CSN1S1: variants seen among roughly 807,000 people sequenced by gnomAD.
The protein encoded by CSN1S1 is casein alpha s1.
In CSN1S1, 63 loss-of-function variants were observed where a neutral mutation model predicts 49.1. The observed-to-expected ratio is 1.28, with a 90% CI of 1.05 to 1.58. CSN1S1 has a LOEUF of 1.58. Among genes scored for constraint, CSN1S1 ranks in the 40% most tolerant of loss-of-function variants. CSN1S1 has a pLI of 0.00. For synonymous variants in CSN1S1, 78 were observed against 67.1 expected, an observed-to-expected ratio of 1.16 and a Z score of -0.79; for missense variants, 260 against 224.7, an observed-to-expected ratio of 1.16 and a Z score of -1.01.
chr4:69,940,003 G>T lies in CSN1S1; in HGVS notation c.277-18G>T, dbSNP rs770832451. ...ATGTCGTGAAATTAAAACTATGCAT[G>T]TTTTAATTTTTTTAAAGGAAATGTC... is the stretch of plus-strand genomic sequence containing the variant. On this transcript the variant is annotated intron_variant, in intron 10 of 15. Coordinates refer to ENST00000246891, the MANE Select transcript of CSN1S1 (RefSeq NM_001890.2). The T allele has an allele frequency of 8.1e-6, 11 of 1,364,916 alleles. No homozygotes were observed. The Admixed American group carries it at 2.5e-4, about 31-fold the overall frequency. 84.6% of individuals were successfully genotyped at this position (1,364,916 alleles called of 1,614,324 possible). A position where few individuals can be genotyped will look rare whatever the true frequency, so the allele number is the denominator to read the frequency against.
chr4:69,937,965 A>G (rs1722845870), intron 9 of CSN1S1, 142 bp downstream of exon 9: 1 of 494,560 alleles, frequency 2.0e-6, no homozygotes, highest in Non-Finnish European at 3.4e-6. Context: ...TTAATTTTAA[A>G]TTAATCCTAT....
At chr4:69,933,434 C>T (rs1722671767) in intron 2 of CSN1S1, among the ~76,000 whole-genome samples, 1 of 152,072 alleles carries the variant, frequency 6.6e-6, no homozygotes. Flanking sequence ...GACTTGTTCT[C>T]TAAATTCTCC....
chr4:69,932,422 G>T, intron 1 of CSN1S1, 122 bp from the exon 2 acceptor site: 1 of 709,810 alleles, frequency 1.4e-6, no homozygotes, highest in Non-Finnish European at 2.4e-6. Context: ...TCACATTACA[G>T]CTCCTCAAAT....
rs1722696259 is a variant in CSN1S1 at position 69,934,202 on chromosome 4, T to C, written c.52-10T>C. 1 of 1,607,108 alleles carries C rather than the reference T, an allele frequency of 6.2e-7. No homozygotes were observed. Among genetic ancestry groups the C allele is most frequent in the African/African-American group, 1.3e-5 (1 of 74,676 alleles). The stretch of plus-strand genomic sequence containing the variant: ...TTTTTGTTTTACAATTCTTGCATTG[T>C]TTTTCACAGAAACTTCCTCTTAGAT... On this transcript the variant is annotated splice_polypyrimidine_tract_variant and intron_variant, in intron 2 of 15. Coordinates refer to ENST00000246891, the MANE Select transcript of CSN1S1 (RefSeq NM_001890.2).
intron 2 of CSN1S1, among the ~76,000 whole-genome samples, chr4:69,933,757 A>C (rs886315945): frequency 1.3e-5 from 2 of 152,014 alleles, no homozygotes; most frequent in Non-Finnish European, 2.9e-5. Flanking sequence ...TTTTCGTATA[A>C]TTTAAGTGAT....
chr4:69,945,133 T>C (rs912999332), intron 15 of CSN1S1, 129 bp downstream of exon 15: 2 of 950,670 alleles, frequency 2.1e-6, no homozygotes, highest in South Asian at 1.7e-5. Context: ...AAAGGACTAA[T>C]ATGTTCTGAA....
intron 14 of CSN1S1, 29 bp downstream of exon 14, chr4:69,942,606 C>A (rs377669475): frequency 1.3e-6 from 2 of 1,530,130 alleles, no homozygotes; most frequent in African/African-American, 1.4e-5. Context: ...TATTACAAAA[C>A]GATAATATTT....
Position 69,941,040 on chromosome 4 carries a change from G to A in CSN1S1, c.322G>A (p.Glu108Lys), listed in dbSNP as rs745825987. The change falls in exon 12 of 16, where the codon GAA (glutamate) becomes AAA (lysine). Residue 108 changes from glutamate to lysine, a missense_variant. Glu to Lys is a moderately conservative substitution (Grantham distance 56). Coordinates refer to ENST00000246891, the MANE Select transcript of CSN1S1 (RefSeq NM_001890.2). ...ATAGGAACAGTTTTGTAGACTGAAC[G>A]AATACAACCAACTTCAGCTGGTAAT... is the stretch of plus-strand genomic sequence containing the variant. ...KCAEQFCRLN[E>K]YNQLQLQAAH... 1.5e-5 allele frequency: 23 copies of A among 1,514,628 alleles called. No individual in the cohort carries two copies. Among genetic ancestry groups the A allele is most frequent in the South Asian group, 3.6e-5 (3 of 82,278 alleles). 93.8% of individuals were successfully genotyped at this position (1,514,628 alleles called of 1,614,324 possible).
At chr4:69,936,105 T>C (rs1722771412) in intron 5 of CSN1S1, among the ~76,000 whole-genome samples, 156 bp downstream of exon 5, 3 of 151,992 alleles carry the variant, frequency 2.0e-5, no homozygotes, top group African/African-American at 7.2e-5. Context: ...CACATTTACA[T>C]ACTAGCCTTA....
At chr4:69,941,155 A>C (rs1722959248) in intron 12 of CSN1S1, 95 bp downstream of exon 12, 1 of 581,530 alleles carries the variant, frequency 1.7e-6, no homozygotes, top group East Asian at 3.5e-5. Context: ...ATATATTTTT[A>C]TTTTTCTTAA....
intron 8 of CSN1S1, 141 bp from the exon 9 acceptor site, chr4:69,937,659 C>T (rs758259463): frequency 1.5e-5 from 9 of 605,648 alleles, no homozygotes; most frequent in Non-Finnish European, 2.5e-5. Context: ...ATAAAGTAGG[C>T]AGTTTTTTTA....
intron 11 of CSN1S1, among the ~76,000 whole-genome samples, chr4:69,940,305 G>A (rs1722933962): frequency 6.6e-6 from 1 of 151,672 alleles, no homozygotes; most frequent in Non-Finnish European, 1.5e-5. Context: ...AGTCTGATGG[G>A]ATCTAGATGT....
intron 15 of CSN1S1, 143 bp downstream of exon 15, chr4:69,945,147 G>GA: frequency 1.2e-6 from 1 of 852,342 alleles, no homozygotes; most frequent in Middle Eastern, 3.0e-4. Flanking sequence ...TTCTGAAATG[G>GA]AAAATTGATA....
intron 14 of CSN1S1, among the ~76,000 whole-genome samples, chr4:69,943,844 G>A (rs1723062141): frequency 6.6e-6 from 1 of 151,988 alleles, no homozygotes; most frequent in African/African-American, 2.4e-5. Context: ...CCACTCCTAT[G>A]ATAATAGCAT....
rs1220855 is a variant in CSN1S1 at position 69,943,381 on chromosome 4, C to T, written c.402+804C>T. On this transcript the variant is annotated intron_variant, in intron 14 of 15. Transcript: ENST00000246891. The stretch of plus-strand genomic sequence containing the variant: ...TGTATTTTTAGTAGAGACAGGTTTT[C>T]ACCATGTTGGCCAGGTTGGTCTCAA... Among the ~76,000 whole-genome samples, 683 of 151,946 alleles carry T rather than the reference C, an allele frequency of 4.5e-3. 3 individuals are homozygous for T. Among genetic ancestry groups the T allele is most frequent in the Middle Eastern group, 0.017 (5 of 294 alleles).
chr4:69,934,655 GAAT>G, intron 3 of CSN1S1, 32 bp from the exon 4 acceptor site: 1 of 1,585,082 alleles, frequency 6.3e-7, no homozygotes, highest in South Asian at 1.1e-5. Context: ...CCTGCAATTG[GAAT>G]AATACCATTT....
intron 12 of CSN1S1, among the ~76,000 whole-genome samples, chr4:69,941,709 C>T (rs115529755): frequency 9.4e-4 from 143 of 151,918 alleles, no homozygotes; most frequent in African/African-American, 3.4e-3. Context: ...TTAATATGGA[C>T]CCTAATTGTT....
intron 14 of CSN1S1, among the ~76,000 whole-genome samples, chr4:69,944,432 G>T (rs1723083190): frequency 6.6e-6 from 1 of 151,764 alleles, no homozygotes; most frequent in Non-Finnish European, 1.5e-5. Context: ...GTTGACCCTG[G>T]GTGCGGGGCC....
rs1491537992 is a variant in CSN1S1, at chr4:69,940,111, T to TCTCACACA, written c.300+68_300+69insTCACACAC. ...CAGGATAATTAAAATGCACTTACTT[T>TCTCACACA]CACACACACACACACACACACACAC... On this transcript the variant is annotated intron_variant, in intron 11 of 15. Coordinates refer to ENST00000246891, the MANE Select transcript of CSN1S1 (RefSeq NM_001890.2). The TCTCACACA allele has an allele frequency of 2.8e-4, 112 of 405,366 alleles. 5 individuals are homozygous for TCTCACACA. The Middle Eastern group carries it at 5.0e-3, about 18-fold the overall frequency. The allele number at this position is 405,366 out of a possible 1,614,324, so 25.1% of individuals were successfully genotyped here. A position where few individuals can be genotyped will look rare whatever the true frequency, so the allele number is the denominator to read the frequency against.
Sources: allele counts gnomAD v4.1 joint callset (sites outside exome capture counted in the v4.1 genomes callset), GRCh38; gene constraint gnomAD v4.1.1; transcripts MANE v1.5; gene names NCBI Gene and HGNC (gene_info 2026-07-23, HGNC 2026-07-21).